Variants in LARS2 observed in about 807,000 individuals in gnomAD.
The protein encoded by LARS2 is leucine--tRNA ligase, mitochondrial.
Under a neutral mutation model 116.6 loss-of-function variants are expected in LARS2, and 81 were observed. That is an observed-to-expected ratio of 0.69 (90% CI 0.58 to 0.84). The LOEUF is 0.84. Ranked by LOEUF, LARS2 falls within the 40% of genes least tolerant of loss-of-function variation. The pLI is 0.00. For missense variants in LARS2, 968 were observed against 1,114.5 expected, an observed-to-expected ratio of 0.87 and a Z score of 1.87; for synonymous variants, 396 against 407.2, an observed-to-expected ratio of 0.97 and a Z score of 0.33.
chr3:45,417,435 A>T (rs759781703), intron 4 of LARS2, 47 bp from the exon 5 acceptor site: 7 of 1,352,436 alleles, frequency 5.2e-6, no homozygotes, highest in Non-Finnish European at 7.4e-6. Flanking sequence ...ATACCAATGG[A>T]GTTATTAATG....
chr3:45,471,776 A>G (rs1699528817), intron 8 of LARS2, among the ~76,000 whole-genome samples: 1 of 152,196 alleles, frequency 6.6e-6, no homozygotes, highest in African/African-American at 2.4e-5. Flanking sequence ...AAAGTTTATA[A>G]TATACTTGCG....
At chr3:45,465,165 C>A (rs140127155) in intron 8 of LARS2, among the ~76,000 whole-genome samples, 1 of 152,152 alleles carries the variant, frequency 6.6e-6, no homozygotes, top group South Asian at 2.1e-4. Context: ...TGCTCCCAGT[C>A]CCAGGGATCT....
intron 10 of LARS2, among the ~76,000 whole-genome samples, chr3:45,485,064 A>G (rs1699782848): frequency 6.6e-6 from 1 of 152,156 alleles, no homozygotes. Flanking sequence ...AACCTGGCCT[A>G]TTAGAACTTC....
At chr3:45,523,302 A>T (rs1477481462) in intron 19 of LARS2, among the ~76,000 whole-genome samples, 1 of 152,154 alleles carries the variant, frequency 6.6e-6, no homozygotes, top group African/African-American at 2.4e-5. Context: ...GGTGTTTCAC[A>T]GTTTAACACC....
rs952679546 is a variant in LARS2, at chr3:45,406,887, C to T, written c.363+6514C>T. Among the ~76,000 whole-genome samples the T allele has an allele frequency of 2.6e-5, 4 of 152,264 alleles. No homozygotes were observed. In the South Asian group the frequency reaches 6.2e-4, roughly 24 times the overall value. ...TGATGACATATTTAAAACTTAGCTC[C>T]ATATGGTGATTTTGTTGTGTTTTCA... is the stretch of plus-strand genomic sequence containing the variant. On this transcript the variant is annotated intron_variant, in intron 4 of 21. Transcript: ENST00000645846.
At chr3:45,504,856 G>C (rs1700175487) in intron 15 of LARS2, among the ~76,000 whole-genome samples, 1 of 151,492 alleles carries the variant, frequency 6.6e-6, no homozygotes, top group South Asian at 2.1e-4. Context: ...AAGGCGGGTG[G>C]ATTGCTTGAG....
chr3:45,435,282 A>T (rs1304291759), intron 6 of LARS2, among the ~76,000 whole-genome samples: 2 of 152,104 alleles, frequency 1.3e-5, no homozygotes, highest in Non-Finnish European at 2.9e-5. Flanking sequence ...GGCTGCACTG[A>T]TACCACCAAG....
intron 18 of LARS2, among the ~76,000 whole-genome samples, chr3:45,518,855 G>A (rs1397937623): frequency 6.6e-6 from 1 of 152,108 alleles, no homozygotes; most frequent in African/African-American, 2.4e-5. Flanking sequence ...AACCTGAAGT[G>A]GCCCTGGGTC....
At chr3:45,462,807 C>T (rs1699355173) in intron 8 of LARS2, among the ~76,000 whole-genome samples, 1 of 152,160 alleles carries the variant, frequency 6.6e-6, no homozygotes, top group African/African-American at 2.4e-5. Context: ...ATTCACTTAA[C>T]TTCCTAATTT....
At chr3:45,490,026 A>T (rs796386613) in intron 12 of LARS2, among the ~76,000 whole-genome samples, 8 of 152,310 alleles carry the variant, frequency 5.3e-5, no homozygotes, top group African/African-American at 1.9e-4. Flanking sequence ...CTATATTTAT[A>T]TCTATAGAAT....
At chr3:45,493,513 T>A (rs1699960053) in intron 13 of LARS2, among the ~76,000 whole-genome samples, 1 of 152,182 alleles carries the variant, frequency 6.6e-6, no homozygotes, top group Admixed American at 6.5e-5. Context: ...GTGGATTCCT[T>A]ACCCTTGAAC....
At chr3:45,471,673 G>A (rs1026631790) in intron 8 of LARS2, among the ~76,000 whole-genome samples, 36 of 152,188 alleles carry the variant, frequency 2.4e-4, no homozygotes, top group Non-Finnish European at 8.8e-5. Flanking sequence ...ATGATGGAAA[G>A]ACATCAGATC....
At position 45,446,932 on chromosome 3, in the gene LARS2, G is replaced by C; in HGVS notation, c.558G>C (p.Gln186His). 6.2e-7 allele frequency: 1 copy of C among 1,611,808 alleles called. No individual in the cohort carries two copies. Among genetic ancestry groups the C allele is most frequent in the Non-Finnish European group, 8.5e-7 (1 of 1,178,490 alleles). The change falls in exon 7 of 22, where the codon CAG becomes CAC. Residue 186 changes from glutamine (Q) to histidine (H), a missense_variant. Gln to His is a conservative substitution (Grantham distance 24). Transcript: ENST00000645846. ...TGCCAGATTACTACAAGTGGACTCAGTATCTCTTTATTAAACTGTATGAGG... is the reference window on the plus strand; with the variant it reads ...TGCCAGATTACTACAAGTGGACTCACTATCTCTTTATTAAACTGTATGAGG... Reference protein sequence around the residue: ...TCLPDYYKWTQYLFIKLYEAG... With the variant: ...TCLPDYYKWTHYLFIKLYEAG...
intron 21 of LARS2, among the ~76,000 whole-genome samples, chr3:45,545,336 AAAGTCC>A (rs1700860569): frequency 2.0e-5 from 3 of 152,214 alleles, no homozygotes; most frequent in Non-Finnish European, 4.4e-5. Context: ...AGGTGTCAGA[AAAGTCC>A]AGGAGAGTCA....
chr3:45,532,884 C>T (rs948568899), intron 20 of LARS2, among the ~76,000 whole-genome samples: 34 of 152,048 alleles, frequency 2.2e-4, no homozygotes, highest in Admixed American at 6.6e-4. Flanking sequence ...TCAGGTGGTC[C>T]GCCCACCTCA....
At chr3:45,543,975 T>C (rs1393585368) in intron 21 of LARS2, among the ~76,000 whole-genome samples, 1 of 152,180 alleles carries the variant, frequency 6.6e-6, no homozygotes, top group Admixed American at 6.5e-5. Flanking sequence ...ATCATTGAAA[T>C]GCAAACCTAA....
rs764828665 is a variant in LARS2, at chr3:45,517,992, C to T, written c.2134C>T (p.Pro712Ser). The part of the protein sequence containing the change: ...FIEARASGKS[P>S]QPQLLSNKEK... Reference sequence around the variant, plus strand: ...TGAGGCCAGGGCTTCTGGGAAGTCTCCCCAGCCTCAGCTGCTGAGTAACAA... The same window carrying T: ...TGAGGCCAGGGCTTCTGGGAAGTCTTCCCAGCCTCAGCTGCTGAGTAACAA... The change falls in exon 18 of 22, where the codon CCC becomes TCC. Residue 712 changes from proline to serine, a missense_variant. Coordinates refer to ENST00000645846, the MANE Select transcript of LARS2 (RefSeq NM_015340.4). 10 of 1,613,650 alleles carry T rather than the reference C, an allele frequency of 6.2e-6. No homozygotes were observed. Among genetic ancestry groups the T allele is most frequent in the Non-Finnish European group, 8.5e-6 (10 of 1,179,554 alleles).
At chr3:45,497,587 C>G (rs544975845) in intron 14 of LARS2, among the ~76,000 whole-genome samples, 3 of 152,240 alleles carry the variant, frequency 2.0e-5, no homozygotes, top group African/African-American at 7.2e-5. Flanking sequence ...TGTTGTGATT[C>G]TGTAATTTGA....
At chr3:45,485,891 A>G in intron 11 of LARS2, 95 bp downstream of exon 11, 1 of 674,238 alleles carries the variant, frequency 1.5e-6, no homozygotes, top group Non-Finnish European at 2.6e-6. Context: ...AGCTGACTAT[A>G]GATTCCATGG....
Sources: gnomAD v4.1 joint callset for allele counts (sites outside exome capture counted in the v4.1 genomes callset) on GRCh38, gnomAD v4.1.1 for gene constraint, MANE v1.5 for transcripts, NCBI Gene and HGNC (gene_info 2026-07-23, HGNC 2026-07-21) for gene names.